The following FRMD6 variants were observed in gnomAD, a reference collection of about 807,000 sequenced individuals.
The protein encoded by FRMD6 is FERM domain containing 6.
Under a neutral mutation model 73.2 loss-of-function variants are expected in FRMD6, and 37 were observed. The ratio of observed to expected loss-of-function variants is 0.51; its 90% CI spans 0.39 to 0.66. FRMD6 has a LOEUF of 0.66. FRMD6 is among the 30% of genes least tolerant of loss of function. FRMD6 has a pLI of 0.00. For synonymous variants in FRMD6, 273 were observed against 282.2 expected (o/e 0.97, Z 0.33); for missense variants, 714 against 780.5 (o/e 0.91, Z 1.02).
At chr14:51,460,962 G>A in the FRMD6 span, among the ~76,000 whole-genome samples, 1 of 151,964 alleles carries the variant, frequency 6.6e-6, no homozygotes, top group Non-Finnish European at 1.5e-5. Context: ...CGGAGTGAGA[G>A]GAAAAAACAA....
chr14:51,397,965 C>G, the FRMD6 span, among the ~76,000 whole-genome samples: 11 of 151,892 alleles, frequency 7.2e-5, no homozygotes, highest in Non-Finnish European at 1.3e-4. Context: ...ACTTCTGGTC[C>G]CAAGCATTTC....
intron 1 of FRMD6, among the ~76,000 whole-genome samples, chr14:51,656,990 CAG>C (rs1230061122): frequency 6.6e-6 from 1 of 152,022 alleles, no homozygotes; most frequent in Non-Finnish European, 1.5e-5. Flanking sequence ...TACATGAAGA[CAG>C]AGGGAAAAAC....
chr14:51,581,829 G>A (rs1050003683), intron 2 of FRMD6, among the ~76,000 whole-genome samples: 28 of 152,122 alleles, frequency 1.8e-4, no homozygotes, highest in East Asian at 5.8e-4. Context: ...TTCCCTACCC[G>A]CATTAAATGT....
intron 1 of FRMD6, among the ~76,000 whole-genome samples, chr14:51,549,118 G>A (rs940163912): frequency 3.9e-5 from 6 of 152,294 alleles, no homozygotes; most frequent in Non-Finnish European, 7.4e-5. Context: ...TGTGAGGGCA[G>A]CAGCCATGCC....
chr14:51,452,789 A>C, the FRMD6 span, among the ~76,000 whole-genome samples: 1 of 152,346 alleles, frequency 6.6e-6, no homozygotes, highest in Admixed American at 6.5e-5. Context: ...TAAGAAGGAA[A>C]GGCTGAAGAC....
chr14:51,700,960 G>A (rs189205581), intron 3 of FRMD6, 96 bp from the exon 4 acceptor site: 1 of 555,440 alleles, frequency 1.8e-6, no homozygotes, highest in East Asian at 3.2e-5. Context: ...ACATTCACAA[G>A]TCTTGAGGCT....
chr14:51,509,439 A>G (rs1313938646), intron 1 of FRMD6, among the ~76,000 whole-genome samples: 3 of 151,882 alleles, frequency 2.0e-5, no homozygotes, highest in Admixed American at 6.6e-5. Flanking sequence ...AGGCAGGAGA[A>G]TGGCGTGAAC....
At chr14:51,649,872 C>G (rs1048663854), upstream of FRMD6, 9 of 152,220 alleles carry the variant, frequency 5.9e-5, no homozygotes, top group African/African-American at 2.2e-4. Context: ...CATCCTCCCA[C>G]CTCAGCCTCC....
chr14:51,573,314 G>T (rs967378184), intron 2 of FRMD6, among the ~76,000 whole-genome samples: 2 of 152,170 alleles, frequency 1.3e-5, no homozygotes, highest in African/African-American at 4.8e-5. Context: ...GTGACCTGGC[G>T]TTGGAATTCT....
the FRMD6 span, among the ~76,000 whole-genome samples, chr14:51,465,345 G>C: frequency 2.6e-5 from 4 of 152,070 alleles, no homozygotes; most frequent in African/African-American, 7.2e-5. Flanking sequence ...TTTGACATTT[G>C]TATGCATGCA....
intron 1 of FRMD6, among the ~76,000 whole-genome samples, chr14:51,498,461 G>T (rs1883427414): frequency 6.6e-6 from 1 of 152,200 alleles, no homozygotes; most frequent in Non-Finnish European, 1.5e-5. Flanking sequence ...GACGCTTAGT[G>T]ACTTAAAACA....
chr14:51,470,487 G>C, the FRMD6 span, among the ~76,000 whole-genome samples: 3 of 151,602 alleles, frequency 2.0e-5, no homozygotes, highest in East Asian at 5.8e-4. Flanking sequence ...GCAACAGAGC[G>C]AGACTCCGTC....
intron 1 of FRMD6, among the ~76,000 whole-genome samples, chr14:51,683,113 A>G (rs1311376058): frequency 6.6e-6 from 1 of 152,108 alleles, no homozygotes; most frequent in African/African-American, 2.4e-5. Context: ...TCCATTTACA[A>G]CCAACAATAC....
intron 2 of FRMD6, among the ~76,000 whole-genome samples, chr14:51,593,575 T>A (rs990499942): frequency 6.6e-6 from 1 of 152,142 alleles, no homozygotes; most frequent in African/African-American, 2.4e-5. Flanking sequence ...TGGTCTTGCT[T>A]CGCATCCTCT....
chr14:51,481,215 G>A, the FRMD6 span, among the ~76,000 whole-genome samples: 1 of 152,106 alleles, frequency 6.6e-6, no homozygotes, highest in Admixed American at 6.5e-5. Context: ...TTTTCATGCC[G>A]CTGATAAAGA....
chr14:51,416,358 G>T, the FRMD6 span, among the ~76,000 whole-genome samples: 2 of 152,152 alleles, frequency 1.3e-5, no homozygotes, highest in African/African-American at 2.4e-5. Context: ...TTGTGTCTTT[G>T]TTCTTATTGG....
intron 7 of FRMD6, chr14:51,708,479 C>A: frequency 3.0e-6 from 1 of 332,302 alleles, no homozygotes; most frequent in Non-Finnish European, 5.5e-6. Context: ...TGACAATTGG[C>A]TATAAGATGT....
chr14:51,548,969 T>C lies in FRMD6; in HGVS notation c.-209-21379T>C, dbSNP rs139054610. The stretch of plus-strand genomic sequence containing the variant: ...CATTCTTATCAACATTTGAGAACCA[T>C]TGATGTAATCCATGGTTAGAATATT... On this transcript the variant is annotated intron_variant, in intron 1 of 14. Coordinates refer to the FRMD6 transcript ENST00000356218. Among the ~76,000 whole-genome samples the C allele has an allele frequency of 3.6e-3, 547 of 152,310 alleles. 3 individuals are homozygous for C. Among genetic ancestry groups the C allele is most frequent in the African/African-American group, 0.013 (537 of 41,568 alleles).
chr14:51,603,396 A>G (rs973113300), intron 2 of FRMD6, among the ~76,000 whole-genome samples: 2 of 152,014 alleles, frequency 1.3e-5, no homozygotes, highest in Middle Eastern at 3.2e-3. Flanking sequence ...AGCCATACCA[A>G]CTTTCAGATA....
Sources: allele counts gnomAD v4.1 joint callset (sites outside exome capture counted in the v4.1 genomes callset), GRCh38; gene constraint gnomAD v4.1.1; transcripts MANE v1.5; gene names NCBI Gene and HGNC (gene_info 2026-07-23, HGNC 2026-07-21).